JARID2: variants seen among roughly 807,000 people sequenced by gnomAD.
The protein encoded by JARID2 is protein Jumonji.
Under a neutral mutation model 125.6 loss-of-function variants are expected in JARID2, and 21 were observed. That is an observed-to-expected ratio of 0.17 (90% CI 0.12 to 0.24). The LOEUF (loss-of-function observed/expected upper bound fraction) is 0.24, where lower values mean the gene tolerates loss of function less well. Ranked by LOEUF, JARID2 falls within the 10% of genes least tolerant of loss-of-function variation. The pLI is 1.00. For missense variants in JARID2, 1,303 were observed against 1,639.6 expected, an observed-to-expected ratio of 0.79 and a Z score of 3.55; for synonymous variants, 736 against 661.6, an observed-to-expected ratio of 1.11 and a Z score of -1.73.
intron 6 of JARID2, 137 bp from the exon 7 acceptor site, chr6:15,495,995 C>T (rs1244176850): frequency 1.4e-6 from 1 of 718,296 alleles, no homozygotes; most frequent in Non-Finnish European, 2.4e-6. Context: ...ATTTCCACAT[C>T]TCTTCTTATC....
intron 3 of JARID2, among the ~76,000 whole-genome samples, chr6:15,415,824 A>AT (rs1766161020): frequency 1.4e-5 from 1 of 72,712 alleles, no homozygotes; most frequent in Non-Finnish European, 2.8e-5. Flanking sequence ...CGGGGGGCTG[A>AT]CCCCCCCACC....
intron 2 of JARID2, among the ~76,000 whole-genome samples, chr6:15,399,421 A>G (rs1396257046): frequency 1.3e-5 from 2 of 152,184 alleles, no homozygotes; most frequent in African/African-American, 4.8e-5. Flanking sequence ...GGCCCTATGT[A>G]TAATTATGAT....
Position 15,494,913 on chromosome 6 carries a change from C to T in JARID2, c.907-1219C>T, listed in dbSNP as rs770256049. ...CCTGACCAGGAAGTGCAGGCTCCCC[C>T]GACCCTGGCACCTTCCTCTCGGGCT... On this transcript the variant is annotated intron_variant, in intron 6 of 17. Transcript: ENST00000341776. 1.2e-4 allele frequency among the ~76,000 whole-genome samples: 18 copies of T among 152,180 alleles called. No homozygotes were observed. In the East Asian group the frequency reaches 2.1e-3, roughly 18 times the overall value.
At chr6:15,414,597 AG>A (rs1180513394) in intron 3 of JARID2, among the ~76,000 whole-genome samples, 3 of 152,204 alleles carry the variant, frequency 2.0e-5, no homozygotes, top group African/African-American at 7.2e-5. Context: ...TCTTTACAAA[AG>A]GAAAGCCAGT....
chr6:15,280,478 C>A (rs1033301477), intron 1 of JARID2, among the ~76,000 whole-genome samples: 1 of 152,148 alleles, frequency 6.6e-6, no homozygotes, highest in Non-Finnish European at 1.5e-5. Flanking sequence ...GAACAAAGAT[C>A]CAGCCTTTTA....
chr6:15,365,570 A>G (rs937381067), intron 1 of JARID2, among the ~76,000 whole-genome samples: 1 of 151,764 alleles, frequency 6.6e-6, no homozygotes, highest in Admixed American at 6.6e-5. Context: ...GAGTTGTGTT[A>G]TGCAATAAAT....
At chr6:15,342,095 G>A (rs1438696154) in intron 1 of JARID2, among the ~76,000 whole-genome samples, 1 of 151,958 alleles carries the variant, frequency 6.6e-6, no homozygotes, top group Non-Finnish European at 1.5e-5. Flanking sequence ...CACCAAGTTG[G>A]GTAAAACATC....
chr6:15,295,271 G>A (rs1169277154), intron 1 of JARID2, among the ~76,000 whole-genome samples: 4 of 151,738 alleles, frequency 2.6e-5, no homozygotes, highest in Admixed American at 6.6e-5. Context: ...ACAGGCGCCC[G>A]CCAACACGCC....
At chr6:15,389,772 T>G (rs116516991) in intron 2 of JARID2, among the ~76,000 whole-genome samples, 179 of 152,274 alleles carry the variant, frequency 1.2e-3, no homozygotes, top group African/African-American at 4.1e-3. Flanking sequence ...GGTCGAACCC[T>G]CTGTGGAAAC....
intron 1 of JARID2, among the ~76,000 whole-genome samples, chr6:15,338,550 CT>C (rs1762958784): frequency 6.6e-6 from 1 of 152,222 alleles, no homozygotes; most frequent in African/African-American, 2.4e-5. Flanking sequence ...CAATCCAGAC[CT>C]TTGCCGACAA....
chr6:15,348,993 T>G (rs555167938), intron 1 of JARID2, among the ~76,000 whole-genome samples: 1 of 152,368 alleles, frequency 6.6e-6, no homozygotes, highest in Non-Finnish European at 1.5e-5. Context: ...TGGACAATGT[T>G]GAAAAGGGTT....
At chr6:15,488,841 A>C (rs548344236) in intron 6 of JARID2, among the ~76,000 whole-genome samples, 13 of 152,210 alleles carry the variant, frequency 8.5e-5, no homozygotes, top group Non-Finnish European at 1.6e-4. Flanking sequence ...ACTGTTGGCC[A>C]AAACAGACCT....
At chr6:15,422,709 A>G (rs771843595) in intron 3 of JARID2, among the ~76,000 whole-genome samples, 76 of 152,324 alleles carry the variant, frequency 5.0e-4, no homozygotes, top group Non-Finnish European at 9.3e-4. Context: ...ATGGGTGTCT[A>G]CACAATAGAT....
chr6:15,274,692 CT>C (rs1760430328), intron 1 of JARID2, among the ~76,000 whole-genome samples: 1 of 152,122 alleles, frequency 6.6e-6, no homozygotes, highest in African/African-American at 2.4e-5. Context: ...GTGTTGGCCT[CT>C]TTTTGATTCT....
chr6:15,504,588 T>C lies in JARID2; in HGVS notation c.2537T>C (p.Ile846Thr), dbSNP rs1770903676. 1 of 1,612,412 alleles carries C rather than the reference T, an allele frequency of 6.2e-7. No homozygotes were observed. The highest frequency in any genetic ancestry group is 1.3e-5 in the African/African-American group (1 of 74,870). ...AGCAAGGAGCCTGCCCCAGCCGAAATCGAGGTGAGAGAAGGGGCCCCTCAC... is the reference window on the plus strand; with the variant it reads ...AGCAAGGAGCCTGCCCCAGCCGAAACCGAGGTGAGAGAAGGGGCCCCTCAC... ...CFSKEPAPAEIEQEYWRLVEE... is the reference protein window; with the variant it reads ...CFSKEPAPAETEQEYWRLVEE... Residue 846 changes from isoleucine to threonine, a missense_variant, in exon 9 of 18, where the codon ATC (isoleucine) becomes ACC (threonine). By Grantham distance (89) the Ile-to-Thr change is moderately conservative. Around this residue, in one of 11 missense-constraint regions of JARID2, gnomAD observed 29 missense variants for 47.7 expected, o/e 0.61. Transcript: ENST00000341776.
rs374265716 is a variant in JARID2 at position 15,282,807 on chromosome 6, G to C, written c.45+36223G>C. 4.6e-5 allele frequency among the ~76,000 whole-genome samples: 7 copies of C among 152,006 alleles called. No homozygotes were observed. The East Asian group carries it at 1.4e-3, about 30-fold the overall frequency. On this transcript the variant is annotated intron_variant, in intron 1 of 17. Coordinates refer to ENST00000341776, the MANE Select transcript of JARID2 (RefSeq NM_004973.4). ...GTAGAGACAGGGTTTCTCCATGTTGGTCAGGCTGGTTTTGAACTCCCGACC... is the reference window on the plus strand; with the variant it reads ...GTAGAGACAGGGTTTCTCCATGTTGCTCAGGCTGGTTTTGAACTCCCGACC...
rs530430464 is a variant in JARID2 at position 15,315,305 on chromosome 6, A to T, written c.46-58812A>T. ...TGCCAGGTAGTAGACAATCTACAGGACTAGGGAGGATGAGAGATGTCCCTT... is the reference window on the plus strand; with the variant it reads ...TGCCAGGTAGTAGACAATCTACAGGTCTAGGGAGGATGAGAGATGTCCCTT... On this transcript the variant is annotated intron_variant, in intron 1 of 17. Coordinates refer to ENST00000341776, the MANE Select transcript of JARID2 (RefSeq NM_004973.4). Among the ~76,000 whole-genome samples the T allele has an allele frequency of 3.3e-4, 50 of 152,336 alleles. 1 individual carries two copies. The highest frequency in any genetic ancestry group is 1.2e-3 in the African/African-American group (49 of 41,568).
At chr6:15,395,406 C>T (rs1765183920) in intron 2 of JARID2, among the ~76,000 whole-genome samples, 1 of 152,028 alleles carries the variant, frequency 6.6e-6, no homozygotes, top group Admixed American at 6.6e-5. Flanking sequence ...GTTGGGACTA[C>T]AGGCGTGCAC....
Position 15,521,733 on chromosome 6 carries a change from C to T in JARID2, c.*1482C>T, listed in dbSNP as rs1380571474. 2 of 152,202 alleles carry T rather than the reference C, an allele frequency of 1.3e-5. No individual in the cohort carries two copies. Among genetic ancestry groups the T allele is most frequent in the Admixed American group, 6.5e-5 (1 of 15,280 alleles). The allele number at this position is 152,202 out of a possible 1,614,324, so 9.4% of individuals were successfully genotyped here. Reference sequence around the variant, plus strand: ...ACTGCCAGGAACGTCCTATGATCCACTTTGTTGGTTGTTGTTGCAGAAGAC... The same window carrying T: ...ACTGCCAGGAACGTCCTATGATCCATTTTGTTGGTTGTTGTTGCAGAAGAC... On this transcript the variant is annotated 3_prime_UTR_variant, in exon 18 of 18. Transcript: ENST00000341776.
Sources: allele counts gnomAD v4.1 joint callset (sites outside exome capture counted in the v4.1 genomes callset), GRCh38; gene constraint gnomAD v4.1.1; regional missense constraint gnomAD v4.1.1; transcripts MANE v1.5; gene names NCBI Gene and HGNC (gene_info 2026-07-23, HGNC 2026-07-21).